The following EHD4 variants were observed in gnomAD, a reference collection of about 807,000 sequenced individuals.
EHD4 encodes the protein EH domain-containing protein 4.
EHD4 carries 37 observed loss-of-function variants against 51.0 expected under a neutral mutation model. The ratio of observed to expected loss-of-function variants is 0.73; its 90% CI spans 0.56 to 0.95. The LOEUF (loss-of-function observed/expected upper bound fraction) is 0.95, where lower values mean the gene tolerates loss of function less well. Ranked by LOEUF, EHD4 falls within the 40% of genes least tolerant of loss-of-function variation. The pLI is 0.00. For synonymous variants in EHD4, 297 were observed against 317.3 expected (o/e 0.94, Z 0.68); for missense variants, 632 against 733.1 (o/e 0.86, Z 1.59).
At chr15:41,954,957 A>G (rs1312642237) in intron 1 of EHD4, among the ~76,000 whole-genome samples, 1 of 152,184 alleles carries the variant, frequency 6.6e-6, no homozygotes, top group African/African-American at 2.4e-5. Context: ...AGCAACCTTA[A>G]CGGGCTATAT....
At chr15:41,963,018 T>C (rs1160872907) in intron 1 of EHD4, among the ~76,000 whole-genome samples, 2 of 152,192 alleles carry the variant, frequency 1.3e-5, no homozygotes, top group African/African-American at 2.4e-5. Context: ...CTCTGAAACA[T>C]GTGCTGTGTC....
intron 4 of EHD4, among the ~76,000 whole-genome samples, chr15:41,915,357 T>C (rs1820506): frequency 0.54 from 82,539 of 152,108 alleles, 22,996 homozygotes; most frequent in East Asian, 0.91. Flanking sequence ...GGATTACAGG[T>C]GTGAGCCACC....
chr15:41,919,792 G>A (rs1316893894), intron 3 of EHD4, among the ~76,000 whole-genome samples, 170 bp from the exon 4 acceptor site: 2 of 152,160 alleles, frequency 1.3e-5, no homozygotes, highest in Admixed American at 6.5e-5. Flanking sequence ...GATGAATCCG[G>A]GTGGGAAGGA....
intron 5 of EHD4, among the ~76,000 whole-genome samples, chr15:41,906,492 T>C (rs532759012): frequency 6.6e-6 from 1 of 152,274 alleles, no homozygotes; most frequent in East Asian, 1.9e-4. Context: ...TCTTCTTGGA[T>C]GCAGGACAAA....
intron 1 of EHD4, among the ~76,000 whole-genome samples, chr15:41,962,978 A>G (rs1023434358): frequency 6.6e-6 from 1 of 152,146 alleles, no homozygotes; most frequent in Admixed American, 6.5e-5. Context: ...GGATGCTGTT[A>G]ATCTATGACT....
In EHD4 at chr15:41,919,630, G is replaced by T; in HGVS notation, c.512-8C>A. 1 of 1,509,354 alleles carries T rather than the reference G, an allele frequency of 6.6e-7. No homozygotes were observed. Among genetic ancestry groups the T allele is most frequent in the Non-Finnish European group, 8.9e-7 (1 of 1,129,908 alleles). The allele number at this position is 1,509,354 out of a possible 1,614,324, so 93.5% of individuals were successfully genotyped here. ...CCTGGCAGAAGTCATAGCCTGGGTG[G>T]AGAGAAGGACACGTCAGTGTAGCCA... On this transcript the variant is annotated splice_region_variant and splice_polypyrimidine_tract_variant and intron_variant, in intron 3 of 5. Coordinates refer to ENST00000220325, the MANE Select transcript of EHD4 (RefSeq NM_139265.4).
At chr15:41,965,473 C>T (rs1372147642) in intron 1 of EHD4, among the ~76,000 whole-genome samples, 1 of 152,228 alleles carries the variant, frequency 6.6e-6, no homozygotes, top group Non-Finnish European at 1.5e-5. Context: ...GAGGCTAGCC[C>T]TCTTCCATTC....
At chr15:41,943,014 C>A in intron 3 of EHD4, 53 bp downstream of exon 3, 1 of 1,430,880 alleles carries the variant, frequency 7.0e-7, no homozygotes, top group Non-Finnish European at 9.6e-7. Flanking sequence ...CTGCTCACAG[C>A]AGAGAGGGCC....
intron 2 of EHD4, among the ~76,000 whole-genome samples, chr15:41,949,059 TAC>T (rs1203227545): frequency 3.6e-5 from 4 of 111,102 alleles, no homozygotes; most frequent in South Asian, 3.3e-4. Context: ...TATACACACA[TAC>T]ACACACACAT....
At chr15:41,920,443 A>G (rs1364913129) in intron 3 of EHD4, among the ~76,000 whole-genome samples, 1 of 152,218 alleles carries the variant, frequency 6.6e-6, no homozygotes, top group Non-Finnish European at 1.5e-5. Flanking sequence ...CCAAGCCCAC[A>G]AAGTTGACTT....
chr15:41,936,423 G>A (rs1438371386), intron 3 of EHD4, among the ~76,000 whole-genome samples: 1 of 152,160 alleles, frequency 6.6e-6, no homozygotes. Context: ...TATGTGGAAA[G>A]CACTTAACAA....
intron 4 of EHD4, among the ~76,000 whole-genome samples, chr15:41,914,770 T>C (rs2067572258): frequency 6.8e-6 from 1 of 147,836 alleles, no homozygotes; most frequent in Non-Finnish European, 1.5e-5. Flanking sequence ...AAATGCCTCA[T>C]TTCTTTACAG....
intron 3 of EHD4, among the ~76,000 whole-genome samples, chr15:41,939,855 G>T (rs1300459339): frequency 6.6e-6 from 1 of 152,006 alleles, no homozygotes; most frequent in Non-Finnish European, 1.5e-5. Context: ...AAACTTGAGG[G>T]GTAAGGAGTT....
chr15:41,913,184 C>G (rs1313209602), intron 4 of EHD4, among the ~76,000 whole-genome samples: 1 of 152,190 alleles, frequency 6.6e-6, no homozygotes, highest in Non-Finnish European at 1.5e-5. Flanking sequence ...GGATGGCATC[C>G]TGTCATTTTC....
At chr15:41,914,616 G>GAC (rs1248675742) in intron 4 of EHD4, among the ~76,000 whole-genome samples, 2 of 152,174 alleles carry the variant, frequency 1.3e-5, no homozygotes, top group Non-Finnish European at 2.9e-5. Flanking sequence ...CTCAAGCACT[G>GAC]ACACACACAC....
At chr15:41,940,311 C>T (rs2067761017) in intron 3 of EHD4, among the ~76,000 whole-genome samples, 1 of 152,188 alleles carries the variant, frequency 6.6e-6, no homozygotes, top group East Asian at 1.9e-4. Context: ...GTCTATTATC[C>T]CATGTTGACA....
At chr15:41,916,865 AAG>A (rs2067587866) in intron 4 of EHD4, among the ~76,000 whole-genome samples, 1 of 152,198 alleles carries the variant, frequency 6.6e-6, no homozygotes, top group South Asian at 2.1e-4. Flanking sequence ...TATTCTTAGG[AAG>A]AAAAAAACCA....
In EHD4 at chr15:41,919,277, T is replaced by C. The variant is rs781477004; in HGVS notation, c.857A>G (p.Gln286Arg). ...AEAQDLFRDI[Q>R]SLPQKAAVRK... ...CACCGCTGCCTTCTGGGGGAGGCTCTGGATGTCTCTAAAGAGGTCCTGGGC... is the reference window on the plus strand; with the variant it reads ...CACCGCTGCCTTCTGGGGGAGGCTCCGGATGTCTCTAAAGAGGTCCTGGGC... Residue 286 changes from glutamine (Q) to arginine (R), a missense_variant, in exon 4 of 6, where the codon CAG (glutamine) becomes CGG (arginine). By Grantham distance (43) the Gln-to-Arg change is conservative. Transcript: ENST00000220325. The C allele has an allele frequency of 3.7e-6, 6 of 1,614,062 alleles. No individual in the cohort carries two copies. Among genetic ancestry groups the C allele is most frequent in the Admixed American group, 3.3e-5 (2 of 60,004 alleles).
intron 2 of EHD4, among the ~76,000 whole-genome samples, chr15:41,950,982 G>T (rs2067849040): frequency 2.6e-5 from 4 of 152,122 alleles, no homozygotes; most frequent in Non-Finnish European, 4.4e-5. Flanking sequence ...TTACTGGAGG[G>T]CTACATTAGG....
Sources: allele counts gnomAD v4.1 joint callset (sites outside exome capture counted in the v4.1 genomes callset), GRCh38; gene constraint gnomAD v4.1.1; transcripts MANE v1.5; gene names NCBI Gene and HGNC (gene_info 2026-07-23, HGNC 2026-07-21).